The following CD99L2 variants were observed in gnomAD, a reference collection of about 807,000 sequenced individuals.
CD99L2 encodes the protein CD99 antigen-like protein 2.
Under a neutral mutation model 27.3 loss-of-function variants are expected in CD99L2, and 24 were observed. That is an observed-to-expected ratio of 0.88 (90% CI 0.64 to 1.24). The LOEUF (loss-of-function observed/expected upper bound fraction) is 1.24. CD99L2 is among the 50% of genes most tolerant of loss of function. CD99L2 has a pLI of 0.00. For synonymous variants in CD99L2, 97 were observed against 87.9 expected (o/e 1.10, Z -0.58); for missense variants, 255 against 221.6 (o/e 1.15, Z -0.96).
chrX:150,808,930 G>A (rs2046035176), intron 4 of CD99L2, among the ~76,000 whole-genome samples: 1 of 111,021 alleles, frequency 9.0e-6, no homozygotes, highest in South Asian at 3.9e-4. Flanking sequence ...AGGAAGAGCA[G>A]GAGAGTCAGA....
chrX:150,852,204 C>T (rs1368435002), intron 1 of CD99L2, among the ~76,000 whole-genome samples: 2 of 111,742 alleles, frequency 1.8e-5, no homozygotes, highest in African/African-American at 3.3e-5. Context: ...GTGCATTTGG[C>T]CAAAACAACA....
chrX:150,795,167 T>C (rs782700673), intron 6 of CD99L2, 39 bp downstream of exon 6: 3 of 1,191,148 alleles, frequency 2.5e-6, no homozygotes, highest in Non-Finnish European at 2.3e-6. Context: ...TGTGGGATGA[T>C]GTAATTAATG....
chrX:150,859,877 C>G (rs782790362), intron 1 of CD99L2, among the ~76,000 whole-genome samples: 18 of 110,767 alleles, frequency 1.6e-4, no homozygotes, highest in Non-Finnish European at 2.6e-4. Flanking sequence ...AGGATAGATT[C>G]ACTACAGAAT....
At chrX:150,851,030 G>A (rs950510467) in intron 1 of CD99L2, among the ~76,000 whole-genome samples, 1 of 110,838 alleles carries the variant, frequency 9.0e-6, no homozygotes, top group Non-Finnish European at 1.9e-5. Flanking sequence ...GTAGAGACAG[G>A]GTTTCACCAT....
At chrX:150,812,562 G>A (rs2046088327) in intron 4 of CD99L2, among the ~76,000 whole-genome samples, 1 of 112,431 alleles carries the variant, frequency 8.9e-6, no homozygotes, top group African/African-American at 3.2e-5. Flanking sequence ...AAATACTGGT[G>A]AAGATACAGA....
Position 150,880,430 on chromosome X carries a change from T to G in CD99L2, c.67+18092A>C, listed in dbSNP as rs143961085. Among the ~76,000 whole-genome samples the G allele has an allele frequency of 7.1e-3, 797 of 111,885 alleles. 8 individuals are homozygous for G. The highest frequency in any genetic ancestry group is 0.023 in the African/African-American group (720 of 30,820). ...TGGACCTTGACAATATCACGCTAAG[T>G]AAAAGAAGCCAGACACAAAAGGCCA... On this transcript the variant is annotated intron_variant, in intron 1 of 10. Coordinates refer to ENST00000370377, the MANE Select transcript of CD99L2 (RefSeq NM_031462.4).
At chrX:150,851,986 G>A (rs2046799755) in intron 1 of CD99L2, among the ~76,000 whole-genome samples, 1 of 111,666 alleles carries the variant, frequency 9.0e-6, no homozygotes, top group South Asian at 3.7e-4. Flanking sequence ...GAGCAGGGAG[G>A]GAACATTAGT....
At chrX:150,856,909 C>A (rs1219152192) in intron 1 of CD99L2, among the ~76,000 whole-genome samples, 3 of 109,418 alleles carry the variant, frequency 2.7e-5, no homozygotes, top group Non-Finnish European at 5.7e-5. Flanking sequence ...ACCACAGAGA[C>A]AGATATAAAA....
Position 150,898,656 on chromosome X carries a change from G to A in CD99L2, c.-68C>T. On this transcript the variant is annotated 5_prime_UTR_variant, in exon 1 of 11. Coordinates refer to ENST00000370377, the MANE Select transcript of CD99L2 (RefSeq NM_031462.4). Reference sequence around the variant, plus strand: ...CGAGAGCGCCCGAAGGGGAGGCCGAGGAGGAGCGGGAGGAGGAGCCCCGCC... The same window carrying A: ...CGAGAGCGCCCGAAGGGGAGGCCGAAGAGGAGCGGGAGGAGGAGCCCCGCC... 5 of 946,790 alleles carry A rather than the reference G, an allele frequency of 5.3e-6. No individual in the cohort carries two copies. Among genetic ancestry groups the A allele is most frequent in the Non-Finnish European group, 6.9e-6 (5 of 723,386 alleles). 78.0% of individuals were successfully genotyped at this position (946,790 alleles called of 1,213,427 possible).
intron 8 of CD99L2, 77 bp from the exon 9 acceptor site, chrX:150,776,370 C>T (rs1260870813): frequency 2.9e-5 from 31 of 1,084,537 alleles, no homozygotes; most frequent in Non-Finnish European, 3.6e-5. Flanking sequence ...TGGGAGCCTG[C>T]TTCTCCTCTA....
intron 2 of CD99L2, 107 bp downstream of exon 2, chrX:150,831,124 T>A (rs1335734399): frequency 1.3e-5 from 9 of 685,750 alleles, no homozygotes; most frequent in Non-Finnish European, 2.0e-5. Context: ...CCATATTTCA[T>A]CTGATCAAGT....
intron 1 of CD99L2, among the ~76,000 whole-genome samples, chrX:150,867,892 C>CA (rs782516457): frequency 3.6e-4 from 7 of 19,228 alleles, no homozygotes; most frequent in African/African-American, 4.9e-4. Flanking sequence ...GACTCTGTCT[C>CA]AAAAAAAAAA....
intron 1 of CD99L2, among the ~76,000 whole-genome samples, chrX:150,843,863 G>A (rs1346181667): frequency 2.7e-5 from 3 of 110,625 alleles, no homozygotes; most frequent in African/African-American, 9.9e-5. Context: ...CCTGTCATCT[G>A]GGCTTACTGC....
In CD99L2 at chrX:150,776,207, A is replaced by AGT. The variant is rs1490969191; in HGVS notation, c.621_622insAC (p.Tyr208ThrfsTer20). 1 of 1,209,948 alleles carries AGT rather than the reference A, an allele frequency of 8.3e-7. No homozygotes were observed. The highest frequency in any genetic ancestry group is 1.7e-5 in the African/African-American group (1 of 57,225). Reference sequence around the variant, plus strand: ...CTGAAGCAGAACTTCTTCTGCTGGTAGGAGATGTAGCTGGAGACGGCACCG... The same window carrying AGT: ...CTGAAGCAGAACTTCTTCTGCTGGTAGTGGAGATGTAGCTGGAGACGGCACCG... On this transcript the variant is annotated frameshift_variant, in exon 9 of 11. Coordinates refer to ENST00000370377, the MANE Select transcript of CD99L2 (RefSeq NM_031462.4). LOFTEE classifies it high-confidence loss of function.
intron 1 of CD99L2, among the ~76,000 whole-genome samples, chrX:150,845,029 G>A (rs1251071266): frequency 8.9e-6 from 1 of 112,380 alleles, no homozygotes; most frequent in Non-Finnish European, 1.9e-5. Flanking sequence ...GCAGGGGAAG[G>A]ATTTTTTTTC....
intron 7 of CD99L2, among the ~76,000 whole-genome samples, chrX:150,793,305 A>G (rs1220852012): frequency 8.9e-6 from 1 of 112,627 alleles, no homozygotes; most frequent in Admixed American, 9.4e-5. Context: ...CTTAAAAAAA[A>G]TGCTCGTCAT....
At position 150,781,926 on chromosome X, in the gene CD99L2, G is replaced by A. The variant is rs573280653; in HGVS notation, c.497-4444C>T. Among the ~76,000 whole-genome samples the A allele has an allele frequency of 2.2e-4, 25 of 112,244 alleles. No individual in the cohort carries two copies. In the South Asian group the frequency reaches 5.2e-3, roughly 23 times the overall value. ...TCACAGACAAAAGACAATGCTATACGCATACATGGCAGCCTTGATTCCTAC... is the reference window on the plus strand; with the variant it reads ...TCACAGACAAAAGACAATGCTATACACATACATGGCAGCCTTGATTCCTAC... On this transcript the variant is annotated intron_variant, in intron 7 of 10. Transcript: ENST00000370377.
chrX:150,788,963 A>G (rs2045641447), intron 7 of CD99L2, among the ~76,000 whole-genome samples: 1 of 111,877 alleles, frequency 8.9e-6, no homozygotes, highest in South Asian at 3.7e-4. Flanking sequence ...ACAGGTGCAT[A>G]GTGGTATCTT....
At chrX:150,830,879 G>T (rs2046433383) in intron 2 of CD99L2, among the ~76,000 whole-genome samples, 1 of 110,323 alleles carries the variant, frequency 9.1e-6, no homozygotes, top group Non-Finnish European at 1.9e-5. Flanking sequence ...TGTGATCTTG[G>T]CTCACTGCAA....
Sources: allele counts gnomAD v4.1 joint callset (sites outside exome capture counted in the v4.1 genomes callset), GRCh38; gene constraint gnomAD v4.1.1; transcripts MANE v1.5; gene names NCBI Gene and HGNC (gene_info 2026-07-23, HGNC 2026-07-21).